The following C22orf31 variants were observed in gnomAD, a reference collection of about 807,000 sequenced individuals.
The protein encoded by C22orf31 is uncharacterized protein C22orf31.
C22orf31 carries 11 observed loss-of-function variants against 15.0 expected under a neutral mutation model. The observed-to-expected ratio is 0.73, with a 90% confidence interval of 0.46 to 1.21. The LOEUF is 1.21. Among genes scored for constraint, C22orf31 ranks in the 50% most tolerant of loss-of-function variants. The pLI is 0.00. For synonymous variants in C22orf31, 132 were observed against 133.3 expected (o/e 0.99, Z 0.07); for missense variants, 340 against 347.2 (o/e 0.98, Z 0.17).
At position 29,060,584 on chromosome 22, in the gene C22orf31, T is replaced by G. The variant is rs1406161851; in HGVS notation, c.263A>C (p.Lys88Thr). 3 of 1,614,212 alleles carry G rather than the reference T, an allele frequency of 1.9e-6. No individual in the cohort carries two copies. The South Asian group carries it at 3.3e-5, about 18-fold the overall frequency. The change falls in exon 2 of 3, where the codon AAG (lysine) becomes ACG (threonine). Residue 88 changes from lysine to threonine, a missense_variant. Transcript: ENST00000216071. ...KLVLRRQLKN[K>T]CCPPPCKFGE... is the part of the protein sequence containing the mutation. ...AAACTTGCATGGTGGTGGGCAGCAC[T>G]TATTCTTCAGTTGCCGCCTGAGTAC...
chr22:29,067,058 G>A, the C22orf31 span, among the ~76,000 whole-genome samples: 1 of 152,192 alleles, frequency 6.6e-6, no homozygotes, highest in Non-Finnish European at 1.5e-5. Context: ...GGGAGACTCA[G>A]TAATGATACA....
chr22:29,071,135 A>C, the C22orf31 span, among the ~76,000 whole-genome samples: 1 of 151,722 alleles, frequency 6.6e-6, no homozygotes, highest in African/African-American at 2.4e-5. Context: ...AGCTGGACAA[A>C]AGTGGGGATC....
At position 29,058,762 on chromosome 22, in the gene C22orf31, T is replaced by C; in HGVS notation, c.853A>G (p.Lys285Glu). ...HEEPVLKKWP[K>E]LKSKK ...TGTTCCTATTTTTTGCTCTTTAACTTGGGCCATTTCTTGAGTACAGGCTCC... is the reference window on the plus strand; with the variant it reads ...TGTTCCTATTTTTTGCTCTTTAACTCGGGCCATTTCTTGAGTACAGGCTCC... Residue 285 changes from lysine to glutamate, a missense_variant, in exon 3 of 3, where the codon AAG becomes GAG. Lys to Glu is a moderately conservative substitution (Grantham distance 56, BLOSUM62 1). Transcript: ENST00000216071. 6.2e-7 allele frequency: 1 copy of C among 1,610,486 alleles called. No homozygotes were observed. Among genetic ancestry groups the C allele is most frequent in the Non-Finnish European group, 8.5e-7 (1 of 1,178,804 alleles).
the C22orf31 span, among the ~76,000 whole-genome samples, chr22:29,067,085 G>A: frequency 6.6e-6 from 1 of 152,164 alleles, no homozygotes; most frequent in Non-Finnish European, 1.5e-5. Context: ...CCTCAAACCC[G>A]AGGCTGAAGG....
the C22orf31 span, among the ~76,000 whole-genome samples, chr22:29,069,219 G>A: frequency 2.0e-4 from 31 of 152,118 alleles, no homozygotes; most frequent in Non-Finnish European, 3.4e-4. Context: ...GCTACTGGGC[G>A]GATTTTGTGA....
chr22:29,065,503 G>A (rs1220831244), upstream of C22orf31, among the ~76,000 whole-genome samples: 1 of 152,086 alleles, frequency 6.6e-6, no homozygotes, highest in East Asian at 1.9e-4. Context: ...TCTGACTTGG[G>A]TATCAGACTT....
At chr22:29,068,007 G>A in the C22orf31 span, among the ~76,000 whole-genome samples, 14 of 151,916 alleles carry the variant, frequency 9.2e-5, no homozygotes, top group Non-Finnish European at 1.3e-4. Flanking sequence ...CCAGGAATTC[G>A]AGGCTGTAGT....
In C22orf31 at chr22:29,058,767, C is replaced by T; in HGVS notation, c.848G>A (p.Trp283Ter). The change falls in exon 3 of 3, where the codon TGG becomes TAG. Residue 283 changes from tryptophan (W) to a stop codon, truncating the protein, a stop_gained. Coordinates refer to ENST00000216071, the MANE Select transcript of C22orf31 (RefSeq NM_015370.2). LOFTEE classifies it high-confidence loss of function. ...CTATTTTTTGCTCTTTAACTTGGGC[C>T]ATTTCTTGAGTACAGGCTCCTCGTG... is the stretch of plus-strand genomic sequence containing the variant. Reference protein sequence around the residue: ...GVHEEPVLKKWPKLKSKK With the variant: ...GVHEEPVLKK 5 of 1,611,134 alleles carry T rather than the reference C, an allele frequency of 3.1e-6. No individual in the cohort carries two copies. Among genetic ancestry groups the T allele is most frequent in the Non-Finnish European group, 4.2e-6 (5 of 1,179,072 alleles).
At chr22:29,063,193 C>T (rs74695972), upstream of C22orf31, among the ~76,000 whole-genome samples, 1,479 of 152,234 alleles carry the variant, frequency 9.7e-3, 29 homozygotes, top group African/African-American at 0.034. Flanking sequence ...TGGTCTTTTA[C>T]TCACTCTGTC....
intron 1 of C22orf31, among the ~76,000 whole-genome samples, chr22:29,061,153 C>T (rs11703010): frequency 0.057 from 8,658 of 152,144 alleles, 285 homozygotes; most frequent in African/African-American, 0.084. Flanking sequence ...TGGAAAGATA[C>T]GGACGGCAGG....
intron 1 of C22orf31, 62 bp downstream of exon 1, chr22:29,061,728 C>G (rs1324067470): frequency 1.6e-6 from 2 of 1,244,592 alleles, no homozygotes; most frequent in Non-Finnish European, 2.3e-6. Flanking sequence ...AGATTAGAAT[C>G]ACATATTTAA....
At chr22:29,073,553 T>C in the C22orf31 span, among the ~76,000 whole-genome samples, 1 of 151,410 alleles carries the variant, frequency 6.6e-6, no homozygotes, top group African/African-American at 2.4e-5. This position sits in a 1 kb window ranked among gnomAD's most constrained non-coding sequence, Gnocchi z 4.4. Context: ...TGGGACATCT[T>C]CTCTGTCTCG....
chr22:29,071,800 C>A, the C22orf31 span, among the ~76,000 whole-genome samples: 1 of 152,194 alleles, frequency 6.6e-6, no homozygotes, highest in African/African-American at 2.4e-5. Flanking sequence ...GCCTACCACG[C>A]TGGGGCCGAA....
the C22orf31 span, among the ~76,000 whole-genome samples, chr22:29,071,497 G>A: frequency 2.0e-5 from 3 of 152,156 alleles, no homozygotes; most frequent in Admixed American, 1.3e-4. Context: ...AAGGCGTGCC[G>A]GTCCCGCCCA....
upstream of C22orf31, among the ~76,000 whole-genome samples, chr22:29,066,539 C>CTTTTTTTTTTTTT (rs134565): frequency 6.3e-4 from 44 of 70,230 alleles, 3 homozygotes; most frequent in East Asian, 2.0e-3. Context: ...CTTTTCTTTT[C>CTTTTTTTTTTTTT]TTTTTTTTTT....
chr22:29,069,485 C>G, the C22orf31 span, among the ~76,000 whole-genome samples: 1 of 152,176 alleles, frequency 6.6e-6, no homozygotes, highest in Non-Finnish European at 1.5e-5. Flanking sequence ...TGCAAACAGA[C>G]AAACGGACAC....
chr22:29,073,805 CCT>C, the C22orf31 span, among the ~76,000 whole-genome samples: 1 of 151,854 alleles, frequency 6.6e-6, no homozygotes, highest in Non-Finnish European at 1.5e-5. The surrounding 1 kb of genome is among the most constrained non-coding windows in gnomAD (Gnocchi z 4.4). Context: ...CCCAGCGACC[CCT>C]CCCGGGCCGG....
chr22:29,073,230 G>A, the C22orf31 span: 1 of 1,153,132 alleles, frequency 8.7e-7, no homozygotes, highest in South Asian at 4.2e-5. The surrounding 1 kb of genome is among the most constrained non-coding windows in gnomAD (Gnocchi z 4.4). Context: ...CGGACCCGGT[G>A]AGTGTGAGCG....
rs971462071 is a variant in C22orf31, at chr22:29,059,789, C to T, written c.433-607G>A. 7 of 985,134 alleles carry T rather than the reference C, an allele frequency of 7.1e-6. No individual in the cohort carries two copies. In the African/African-American group the frequency reaches 1.2e-4, roughly 17 times the overall value. The allele number at this position is 985,134 out of a possible 1,614,324, so 61.0% of individuals were successfully genotyped here. A position where few individuals can be genotyped will look rare whatever the true frequency, so the allele number is the denominator to read the frequency against. On this transcript the variant is annotated intron_variant, in intron 2 of 2. Coordinates refer to ENST00000216071, the MANE Select transcript of C22orf31 (RefSeq NM_015370.2). ...GTGTGTGTGTGTGTGTGTGCACAAG[C>T]ATGCACTACCCATATCCTAGCCTTC...
Sources: allele counts gnomAD v4.1 joint callset (sites outside exome capture counted in the v4.1 genomes callset), GRCh38; gene constraint gnomAD v4.1.1; non-coding constraint Gnocchi (gnomAD v3.1); transcripts MANE v1.5; gene names NCBI Gene and HGNC (gene_info 2026-07-23, HGNC 2026-07-21).